ADCY2: variants seen among roughly 807,000 people sequenced by gnomAD.
ADCY2 encodes adenylate cyclase 2, also known as adenylate cyclase type 2.
ADCY2 carries 31 observed loss-of-function variants against 125.2 expected under a neutral mutation model. That is an observed-to-expected ratio of 0.25 (90% CI 0.19 to 0.33). ADCY2 has a LOEUF of 0.33. ADCY2 is among the 10% of genes least tolerant of loss of function. The pLI, the probability that ADCY2 is intolerant of heterozygous loss-of-function variation, is 1.00. For synonymous variants in ADCY2, 512 were observed against 548.4 expected (o/e 0.93, Z 0.93); for missense variants, 904 against 1,418.2 (o/e 0.64, Z 5.82).
intron 2 of ADCY2, among the ~76,000 whole-genome samples, chr5:7,425,594 T>C (rs2126361569): frequency 6.6e-6 from 1 of 152,344 alleles, no homozygotes; most frequent in African/African-American, 2.4e-5. Flanking sequence ...CTGTGAAAAG[T>C]TGCTAAGCAA....
intron 2 of ADCY2, among the ~76,000 whole-genome samples, chr5:7,444,526 G>C (rs1741158077): frequency 1.3e-5 from 2 of 152,030 alleles, no homozygotes; most frequent in African/African-American, 4.8e-5. Flanking sequence ...TCATTTCACT[G>C]TTTATCTTAA....
chr5:7,818,432 C>T (rs1745187407), intron 23 of ADCY2, among the ~76,000 whole-genome samples: 1 of 151,470 alleles, frequency 6.6e-6, no homozygotes, highest in East Asian at 1.9e-4. Context: ...TCTCAGTTCA[C>T]TGCAACCTCC....
intron 2 of ADCY2, among the ~76,000 whole-genome samples, chr5:7,492,216 T>C (rs1743188553): frequency 6.6e-6 from 1 of 152,206 alleles, no homozygotes; most frequent in East Asian, 1.9e-4. Flanking sequence ...TGTCATGCTG[T>C]GACCACAGGA....
chr5:7,441,227 A>G (rs1361555304), intron 2 of ADCY2, among the ~76,000 whole-genome samples: 1 of 152,144 alleles, frequency 6.6e-6, no homozygotes, highest in Non-Finnish European at 1.5e-5. Flanking sequence ...CTGTCCACTG[A>G]GAGTAGTTTG....
At chr5:7,784,122 TA>T (rs991934434) in intron 18 of ADCY2, among the ~76,000 whole-genome samples, 11 of 152,314 alleles carry the variant, frequency 7.2e-5, no homozygotes, top group African/African-American at 2.4e-4. Flanking sequence ...CTTCTTTTCA[TA>T]TTTGGTATAG....
rs567683252 is a variant in ADCY2 at position 7,494,486 on chromosome 5, T to C, written c.409-26252T>C. 1.1e-3 allele frequency among the ~76,000 whole-genome samples: 172 copies of C among 152,264 alleles called. 1 individual carries two copies. Among genetic ancestry groups the C allele is most frequent in the African/African-American group, 3.8e-3 (159 of 41,576 alleles). ...TTTGCATGGGACATTGTGCTTCTTGTAGTATTTTCCCTGTTATTCAAAACT... is the reference window on the plus strand; with the variant it reads ...TTTGCATGGGACATTGTGCTTCTTGCAGTATTTTCCCTGTTATTCAAAACT... On this transcript the variant is annotated intron_variant, in intron 2 of 24. Transcript: ENST00000338316.
chr5:7,675,899 T>C (rs1740111041), intron 4 of ADCY2, among the ~76,000 whole-genome samples: 1 of 152,214 alleles, frequency 6.6e-6, no homozygotes. Flanking sequence ...ATGTTGATGA[T>C]ATTAGCAAGT....
Position 7,712,878 on chromosome 5 carries a change from A to G in ADCY2, c.1601A>G (p.Asn534Ser), listed in dbSNP as rs1215293177. 1.2e-6 allele frequency: 2 copies of G among 1,609,706 alleles called. No homozygotes were observed. Among genetic ancestry groups the G allele is most frequent in the Non-Finnish European group, 1.7e-6 (2 of 1,176,542 alleles). ...STTDVPMGQH[N>S]FQNRTLRTKS... ...TAGGATGTACCCATGGGTCAGCATA[A>G]TTTTCAAAATCGCACCTTAAGGTAT... Residue 534 changes from asparagine to serine, a missense_variant, in exon 11 of 25, where the codon AAT becomes AGT. Asn to Ser is a conservative substitution (Grantham distance 46). Around this residue, in one of 7 missense-constraint regions of ADCY2, gnomAD observed 144 missense variants for 227.7 expected, o/e 0.63. Coordinates refer to ENST00000338316, the MANE Select transcript of ADCY2 (RefSeq NM_020546.3).
At chr5:7,664,108 G>T (rs746541928) in intron 4 of ADCY2, among the ~76,000 whole-genome samples, 3 of 152,148 alleles carry the variant, frequency 2.0e-5, no homozygotes, top group Non-Finnish European at 2.9e-5. Context: ...AACACTAGCA[G>T]TTTCTGTTTA....
intron 2 of ADCY2, among the ~76,000 whole-genome samples, chr5:7,481,280 C>T (rs1742719075): frequency 6.6e-6 from 1 of 151,898 alleles, no homozygotes; most frequent in African/African-American, 2.4e-5. Context: ...TGTTGTTGTT[C>T]TTTTGGGACA....
intron 3 of ADCY2, among the ~76,000 whole-genome samples, chr5:7,571,699 G>C (rs141946527): frequency 6.6e-6 from 1 of 152,066 alleles, no homozygotes; most frequent in African/African-American, 2.4e-5. Flanking sequence ...ATAGGTAAAC[G>C]TGTGTCATGG....
At chr5:7,788,440 A>C (rs1291238629) in intron 19 of ADCY2, among the ~76,000 whole-genome samples, 4 of 152,316 alleles carry the variant, frequency 2.6e-5, no homozygotes, top group Middle Eastern at 3.4e-3. Context: ...TTGGCCTCCC[A>C]AAGTGCTGGG....
intron 14 of ADCY2, among the ~76,000 whole-genome samples, chr5:7,741,561 T>TATCACCATCACC (rs200848130): frequency 8.3e-5 from 12 of 144,248 alleles, no homozygotes; most frequent in East Asian, 2.1e-4. Flanking sequence ...TCACCATCCC[T>TATCACCATCACC]ATCACCATCA....
intron 3 of ADCY2, among the ~76,000 whole-genome samples, chr5:7,529,682 A>G (rs934430800): frequency 2.0e-5 from 3 of 152,184 alleles, no homozygotes; most frequent in Admixed American, 2.0e-4. Flanking sequence ...TCAAGTAAAC[A>G]TTGGCTTCCT....
chr5:7,784,061 T>C (rs1391230164), intron 18 of ADCY2, among the ~76,000 whole-genome samples: 1 of 152,228 alleles, frequency 6.6e-6, no homozygotes, highest in Non-Finnish European at 1.5e-5. Context: ...TCGATCCAAT[T>C]ACCCATACTG....
At chr5:7,817,176 C>G (rs899157844) in intron 23 of ADCY2, among the ~76,000 whole-genome samples, 196 bp downstream of exon 23, 11 of 152,040 alleles carry the variant, frequency 7.2e-5, no homozygotes, top group African/African-American at 2.7e-4. Flanking sequence ...TGGACCTAGG[C>G]TACCTGCACT....
intron 4 of ADCY2, among the ~76,000 whole-genome samples, chr5:7,643,777 T>TA (rs1405562041): frequency 6.6e-6 from 1 of 151,942 alleles, no homozygotes; most frequent in Non-Finnish European, 1.5e-5. Context: ...TCCTGATACT[T>TA]AGTGTTGTTT....
intron 2 of ADCY2, among the ~76,000 whole-genome samples, chr5:7,477,742 A>C (rs933054014): frequency 2.0e-5 from 3 of 152,200 alleles, no homozygotes; most frequent in African/African-American, 4.8e-5. Context: ...AATCAGAACT[A>C]AGTCTAGAGA....
At chr5:7,661,550 C>A (rs1739531896) in intron 4 of ADCY2, among the ~76,000 whole-genome samples, 1 of 152,198 alleles carries the variant, frequency 6.6e-6, no homozygotes, top group Non-Finnish European at 1.5e-5. Context: ...ATACTTGTTA[C>A]AAAGATTGGT....
Sources: allele counts gnomAD v4.1 joint callset (sites outside exome capture counted in the v4.1 genomes callset), GRCh38; gene constraint gnomAD v4.1.1; regional missense constraint gnomAD v4.1.1; transcripts MANE v1.5; gene names NCBI Gene and HGNC (gene_info 2026-07-23, HGNC 2026-07-21).